WDFY4: variants seen among roughly 807,000 people sequenced by gnomAD.
WDFY4 encodes WDFY family member 4, also known as WD repeat- and FYVE domain-containing protein 4.
Under a neutral mutation model 351.9 loss-of-function variants are expected in WDFY4, and 169 were observed. That is an observed-to-expected ratio of 0.48 (90% CI 0.42 to 0.55). The LOEUF (loss-of-function observed/expected upper bound fraction) is 0.55, where lower values mean the gene tolerates loss of function less well. Among genes scored for constraint, WDFY4 ranks in the 20% least tolerant of loss-of-function variants. The pLI, the probability that WDFY4 is intolerant of heterozygous loss-of-function variation, is 0.00. For synonymous variants in WDFY4, 1,622 were observed against 1,574.6 expected (o/e 1.03, Z -0.71); for missense variants, 3,803 against 3,935.6 (o/e 0.97, Z 0.90).
intron 39 of WDFY4, among the ~76,000 whole-genome samples, chr10:48,857,882 G>T (rs2069193204): frequency 6.6e-6 from 1 of 151,740 alleles, no homozygotes; most frequent in Non-Finnish European, 1.5e-5. Context: ...AACCTCCACT[G>T]CCAGGTACAA....
chr10:48,845,292 C>A (rs1242210112), intron 39 of WDFY4, among the ~76,000 whole-genome samples: 1 of 152,176 alleles, frequency 6.6e-6, no homozygotes, highest in Non-Finnish European at 1.5e-5. Flanking sequence ...CTCTACCAAA[C>A]CCCTGTCCCC....
chr10:48,710,211 G>C (rs2063733801), intron 2 of WDFY4, among the ~76,000 whole-genome samples: 1 of 152,224 alleles, frequency 6.6e-6, no homozygotes, highest in Non-Finnish European at 1.5e-5. Flanking sequence ...GGCACATTAA[G>C]TGTCTGGTAA....
At chr10:48,980,553 A>T (rs1842765939) in intron 60 of WDFY4, among the ~76,000 whole-genome samples, 1 of 152,234 alleles carries the variant, frequency 6.6e-6, no homozygotes, top group Admixed American at 6.5e-5. Context: ...AATCGCCTCA[A>T]AGATTTGGAC....
At chr10:48,972,155 C>CT (rs1175129997) in intron 57 of WDFY4, among the ~76,000 whole-genome samples, 1 of 152,186 alleles carries the variant, frequency 6.6e-6, no homozygotes, top group Non-Finnish European at 1.5e-5. Flanking sequence ...AAATAAAACA[C>CT]TTTATCACTT....
At chr10:48,698,097 C>A (rs934447637) in intron 1 of WDFY4, among the ~76,000 whole-genome samples, 2 of 152,300 alleles carry the variant, frequency 1.3e-5, no homozygotes, top group Non-Finnish European at 2.9e-5. Context: ...ACCTGCTTCT[C>A]GACAGGCCAT....
chr10:48,794,920 T>C (rs111925069), intron 23 of WDFY4, among the ~76,000 whole-genome samples: 3,548 of 152,288 alleles, frequency 0.023, 53 homozygotes, highest in Non-Finnish European at 0.033. Flanking sequence ...GTGTTGATAA[T>C]GCTTTCTAGA....
rs1489374599 is a variant in WDFY4, at chr10:48,810,857, G to C, written c.5044+122G>C. The C allele has an allele frequency of 2.8e-6, 3 of 1,065,390 alleles. No homozygotes were observed. In the South Asian group the frequency reaches 5.7e-5, roughly 20 times the overall value. The allele number at this position is 1,065,390 out of a possible 1,614,324, so 66.0% of individuals were successfully genotyped here. The stretch of plus-strand genomic sequence containing the variant: ...GCTCTGTGCAGCAGGATCACCTCGA[G>C]CCCTGACTCCAAGGCCTACATCCAA... On this transcript the variant is annotated intron_variant, in intron 29 of 61. Transcript: ENST00000325239.
chr10:48,862,796 G>T lies in WDFY4; in HGVS notation c.6664-4469G>T, dbSNP rs147266828. ...GTTTATAGTATATTCCCAGATATGT[G>T]CCACCATCACTGTAATCAATTTTAT... On this transcript the variant is annotated intron_variant, in intron 39 of 61. Transcript: ENST00000325239. Among the ~76,000 whole-genome samples, 99 of 152,246 alleles carry T rather than the reference G, an allele frequency of 6.5e-4. No homozygotes were observed. The East Asian group carries it at 0.018, about 28-fold the overall frequency.
intron 39 of WDFY4, among the ~76,000 whole-genome samples, chr10:48,861,413 T>A (rs1376437712): frequency 2.0e-5 from 3 of 152,220 alleles, no homozygotes; most frequent in Non-Finnish European, 4.4e-5. Context: ...TTTTACTTTA[T>A]CTTAGAATGT....
In WDFY4 at chr10:48,842,563, G is replaced by A. The variant is rs182592161; in HGVS notation, c.6663+9854G>A. 1.9e-3 allele frequency among the ~76,000 whole-genome samples: 297 copies of A among 152,332 alleles called. 2 individuals carry two copies. Among genetic ancestry groups the A allele is most frequent in the African/African-American group, 7.0e-3 (289 of 41,568 alleles). ...CACTCGAAGGACAATGGCTGGGCTA[G>A]CAGAGACCCCGAACTAACAAAGGGA... On this transcript the variant is annotated intron_variant, in intron 39 of 61. Coordinates refer to ENST00000325239, the MANE Select transcript of WDFY4 (RefSeq NM_001394531.1).
intron 32 of WDFY4, among the ~76,000 whole-genome samples, chr10:48,819,177 G>C (rs980736310): frequency 8.5e-5 from 13 of 152,318 alleles, no homozygotes; most frequent in African/African-American, 3.1e-4. Context: ...GCTGATCGCG[G>C]GCGAGGTCGG....
At chr10:48,804,190 C>T (rs912042187) in intron 25 of WDFY4, among the ~76,000 whole-genome samples, 5 of 152,218 alleles carry the variant, frequency 3.3e-5, no homozygotes, top group Non-Finnish European at 1.5e-5. Context: ...TATCACCCCA[C>T]CTGCCTCCTC....
intron 5 of WDFY4, 45 bp downstream of exon 5, chr10:48,723,612 T>C (rs1175228536): frequency 1.9e-5 from 30 of 1,549,164 alleles, no homozygotes; most frequent in Non-Finnish European, 2.6e-5. Context: ...AAAACCTCAC[T>C]TCGGGGACAG....
At chr10:48,723,640 G>A (rs181489089) in intron 5 of WDFY4, 73 bp downstream of exon 5, 196 of 1,527,786 alleles carry the variant, frequency 1.3e-4, no homozygotes, top group African/African-American at 2.6e-4. Flanking sequence ...AATGCTTCCC[G>A]TAGATGCTTT....
intron 47 of WDFY4, among the ~76,000 whole-genome samples, chr10:48,922,577 G>A (rs2671701): frequency 0.36 from 55,356 of 152,008 alleles, 10,739 homozygotes; most frequent in African/African-American, 0.44. Context: ...TGCCTAACTC[G>A]TAAATTAAAC....
intron 46 of WDFY4, among the ~76,000 whole-genome samples, chr10:48,901,033 A>G (rs1837325231): frequency 6.6e-6 from 1 of 152,156 alleles, no homozygotes; most frequent in African/African-American, 2.4e-5. Flanking sequence ...CTGGCCAAGG[A>G]GCCCATTTTG....
At chr10:48,802,692 C>G (rs2067123414) in intron 24 of WDFY4, 1 of 471,076 alleles carries the variant, frequency 2.1e-6, no homozygotes, top group Admixed American at 2.3e-5. Flanking sequence ...TTCAGAATCT[C>G]AGTGAATTTC....
chr10:48,981,755 A>G (rs779628932), intron 61 of WDFY4, among the ~76,000 whole-genome samples: 1 of 152,354 alleles, frequency 6.6e-6, no homozygotes, highest in African/African-American at 2.4e-5. Context: ...TCCAAGAGGT[A>G]TAAGTATATT....
intron 47 of WDFY4, among the ~76,000 whole-genome samples, chr10:48,920,297 A>G (rs888789295): frequency 6.7e-5 from 10 of 149,954 alleles, no homozygotes; most frequent in African/African-American, 2.4e-4. Context: ...GTTCTCACTC[A>G]TAGGTGGGAA....
Sources: allele counts gnomAD v4.1 joint callset (sites outside exome capture counted in the v4.1 genomes callset), GRCh38; gene constraint gnomAD v4.1.1; transcripts MANE v1.5; gene names NCBI Gene and HGNC (gene_info 2026-07-23, HGNC 2026-07-21).